Variants in MUCL3 observed in about 807,000 individuals in gnomAD.
The protein encoded by MUCL3 is mucin-like protein 3.
Under a neutral mutation model 70.2 loss-of-function variants are expected in MUCL3, and 42 were observed. That is an observed-to-expected ratio of 0.60 (90% CI 0.47 to 0.77). The LOEUF (loss-of-function observed/expected upper bound fraction) is 0.77. MUCL3 is among the 30% of genes least tolerant of loss of function. The pLI is 0.00. For synonymous variants in MUCL3, 522 were observed against 647.0 expected (o/e 0.81, Z 2.93); for missense variants, 1,429 against 1,670.0 (o/e 0.86, Z 2.52).
At chr6:30,946,257 C>A (rs1795776518) in intron 1 of MUCL3, 1 of 152,260 alleles carries the variant, frequency 6.6e-6, no homozygotes, top group South Asian at 2.1e-4. Context: ...GCTCCAGAGT[C>A]TTCCATGGTC....
At position 30,952,461 on chromosome 6, in the gene MUCL3, G is replaced by GT. The variant is rs1332986152; in HGVS notation, c.3998dup (p.Ile1334AspfsTer31). The stretch of plus-strand genomic sequence containing the variant: ...CATAGTTATTGTGGTCCTGGTGGCT[G>GT]TGATTCTCCTCCTGGTGTTCCTTGG... On this transcript the variant is annotated frameshift_variant, in exon 2 of 3. Transcript: ENST00000462446. LOFTEE classifies it low-confidence loss of function (END_TRUNC). 6.2e-7 allele frequency: 1 copy of GT among 1,610,562 alleles called. No homozygotes were observed. The highest frequency in any genetic ancestry group is 1.1e-5 in the South Asian group (1 of 90,284).
Position 30,948,553 on chromosome 6 carries a change from C to T in MUCL3, c.89C>T (p.Thr30Ile). The change falls in exon 2 of 3, where the codon ACT (threonine) becomes ATT (isoleucine). Residue 30 changes from threonine (T) to isoleucine (I), a missense_variant. Coordinates refer to ENST00000462446, the MANE Select transcript of MUCL3 (RefSeq NM_080870.4). ...TGCCTCTCTCCCTCCACAGGTGCTA[C>T]TACATTCCAAGAATATCAGAAAACT... ...FLLASWGAGA[T>I]TFQEYQKTGE... 2 of 1,533,892 alleles carry T rather than the reference C, an allele frequency of 1.3e-6. No homozygotes were observed. The highest frequency in any genetic ancestry group is 1.8e-6 in the Non-Finnish European group (2 of 1,140,638).
chr6:30,953,259 C>A lies in MUCL3; in HGVS notation c.*142C>A. 2 of 1,286,354 alleles carry A rather than the reference C, an allele frequency of 1.6e-6. No individual in the cohort carries two copies. The highest frequency in any genetic ancestry group is 1.6e-5 in the South Asian group (1 of 63,460). 79.7% of individuals were successfully genotyped at this position (1,286,354 alleles called of 1,614,324 possible). A position where few individuals can be genotyped will look rare whatever the true frequency, so the allele number is the denominator to read the frequency against. On this transcript the variant is annotated 3_prime_UTR_variant, in exon 3 of 3. Transcript: ENST00000462446. Reference sequence around the variant, plus strand: ...TACCAGTATTAACCCTTCATCTGTTCTTGAAACTGGTTGGGGAATGAGGTG... The same window carrying A: ...TACCAGTATTAACCCTTCATCTGTTATTGAAACTGGTTGGGGAATGAGGTG...
rs1462510792 is a variant in MUCL3, at chr6:30,951,253, T to C, written c.2789T>C (p.Leu930Pro). The change falls in exon 2 of 3, where the codon CTG becomes CCG. Residue 930 changes from leucine (L) to proline (P), a missense_variant. Coordinates refer to ENST00000462446, the MANE Select transcript of MUCL3 (RefSeq NM_080870.4). ...EPTEHGERTP[L>P]ANEITTPSRA... ...ACAGAACATGGAGAAAGGACCCCAC[T>C]GGCCAATGAGATCACCACACCATCC... 1.1e-5 allele frequency: 17 copies of C among 1,535,696 alleles called. No individual in the cohort carries two copies. Among genetic ancestry groups the C allele is most frequent in the African/African-American group, 1.5e-5 (1 of 66,994 alleles).
At chr6:30,947,029 A>G (rs932313964) in intron 1 of MUCL3, among the ~76,000 whole-genome samples, 1 of 152,192 alleles carries the variant, frequency 6.6e-6, no homozygotes, top group African/African-American at 2.4e-5. Flanking sequence ...CCTCCGTGAA[A>G]TGTAAATTTC....
intron 1 of MUCL3, among the ~76,000 whole-genome samples, chr6:30,943,216 C>T (rs1343177217): frequency 6.6e-6 from 1 of 152,196 alleles, no homozygotes; most frequent in African/African-American, 2.4e-5. Flanking sequence ...ATCCTGGAAC[C>T]CCAGAGTCTG....
rs759056469 is a variant in MUCL3, at chr6:30,948,661, A to G, written c.197A>G (p.His66Arg). ...ATCCCTTTTGATCACATTGTTCTGC[A>G]TTCAGGACAAAGACCTCCAGAGCTC... Reference protein sequence around the residue: ...YSIPFDHIVLHSGQRPPELPK... With the variant: ...YSIPFDHIVLRSGQRPPELPK... Residue 66 changes from histidine to arginine, a missense_variant, in exon 2 of 3, where the codon CAT (histidine) becomes CGT (arginine). By Grantham distance (29) the His-to-Arg change is conservative (BLOSUM62 0). Coordinates refer to ENST00000462446, the MANE Select transcript of MUCL3 (RefSeq NM_080870.4). The G allele has an allele frequency of 6.4e-6, 10 of 1,551,568 alleles. No homozygotes were observed. The highest frequency in any genetic ancestry group is 8.7e-6 in the Non-Finnish European group (10 of 1,146,996).
Position 30,951,424 on chromosome 6 carries a change from C to A in MUCL3, c.2960C>A (p.Thr987Asn). 6.5e-7 allele frequency: 1 copy of A among 1,549,942 alleles called. No homozygotes were observed. Among genetic ancestry groups the A allele is most frequent in the Non-Finnish European group, 8.7e-7 (1 of 1,146,736 alleles). Residue 987 changes from threonine (T) to asparagine (N), a missense_variant, in exon 2 of 3, where the codon ACC becomes AAC. Coordinates refer to ENST00000462446, the MANE Select transcript of MUCL3 (RefSeq NM_080870.4). ...GAGCCTACAGAAAATGGAGAAAGGACCCCACTGGCCAATGAGAACACCACA... is the reference window on the plus strand; with the variant it reads ...GAGCCTACAGAAAATGGAGAAAGGAACCCACTGGCCAATGAGAACACCACA... ...SAEPTENGER[T>N]PLANENTTTS...
intron 1 of MUCL3, among the ~76,000 whole-genome samples, chr6:30,946,658 C>T (rs1320206877): frequency 6.6e-6 from 1 of 152,194 alleles, no homozygotes; most frequent in Non-Finnish European, 1.5e-5. Context: ...TGAACAGCAC[C>T]TTTCAGGGAG....
chr6:30,941,357 C>G (rs1181242567), intron 1 of MUCL3, among the ~76,000 whole-genome samples: 1 of 152,084 alleles, frequency 6.6e-6, no homozygotes, highest in East Asian at 1.9e-4. Flanking sequence ...AGGCTGCCAG[C>G]CCTGGATGGT....
Position 30,950,693 on chromosome 6 carries a change from T to C in MUCL3, c.2229T>C (p.Asn743=), listed in dbSNP as rs1314211106. The change falls in exon 2 of 3, where the codon AAT becomes AAC. Residue 743 remains asparagine, a synonymous_variant. Coordinates refer to ENST00000462446, the MANE Select transcript of MUCL3 (RefSeq NM_080870.4). ...TTPFPAEPTE[N]RERTANENTT... ...CATTCCCAGCAGAGCCTACAGAAAA[T>C]AGAGAAAGGACAGCCAATGAGAACA... is the stretch of plus-strand genomic sequence containing the variant. 4.5e-6 allele frequency: 7 copies of C among 1,540,426 alleles called. No individual in the cohort carries two copies. Among genetic ancestry groups the C allele is most frequent in the African/African-American group, 1.5e-5 (1 of 68,528 alleles).
Position 30,953,364 on chromosome 6 carries a change from T to C in MUCL3, c.*247T>C, listed in dbSNP as rs45627239. 24,607 of 594,002 alleles carry C rather than the reference T, an allele frequency of 0.041. 711 individuals carry two copies. Among genetic ancestry groups the C allele is most frequent in the Admixed American group, 0.088 (2,727 of 31,084 alleles). The allele number at this position is 594,002 out of a possible 1,614,324, so 36.8% of individuals were successfully genotyped here. ...AGCAGACATTCTCTGTAGAAGGTAATGGTCTGAGAATGAAAAGGTGTTTGA... is the reference window on the plus strand; with the variant it reads ...AGCAGACATTCTCTGTAGAAGGTAACGGTCTGAGAATGAAAAGGTGTTTGA... On this transcript the variant is annotated 3_prime_UTR_variant, in exon 3 of 3. Transcript: ENST00000462446.
Position 30,949,055 on chromosome 6 carries a change from T to A in MUCL3, c.591T>A (p.Asp197Glu). The A allele has an allele frequency of 3.2e-6, 5 of 1,551,456 alleles. No homozygotes were observed. Among genetic ancestry groups the A allele is most frequent in the Non-Finnish European group, 4.4e-6 (5 of 1,146,918 alleles). ...TGGAAAAGTCCATGAGTACTTTGGA[T>A]AAGACAAGTACCAGCTCACATAAGA... The part of the protein sequence containing the change: ...RPLEKSMSTL[D>E]KTSTSSHKTT... The change falls in exon 2 of 3, where the codon GAT (aspartate) becomes GAA (glutamate). Residue 197 changes from aspartate to glutamate, a missense_variant. By Grantham distance (45) the Asp-to-Glu change is conservative (BLOSUM62 2). Coordinates refer to ENST00000462446, the MANE Select transcript of MUCL3 (RefSeq NM_080870.4).
At chr6:30,943,433 A>G (rs1419561862) in intron 1 of MUCL3, among the ~76,000 whole-genome samples, 1 of 152,110 alleles carries the variant, frequency 6.6e-6, no homozygotes, top group Admixed American at 6.5e-5. Flanking sequence ...GCACAGGTGC[A>G]GTCTAGATTA....
intron 2 of MUCL3, 87 bp downstream of exon 2, chr6:30,952,586 A>T (rs1760766898): frequency 2.8e-6 from 4 of 1,405,052 alleles, no homozygotes; most frequent in Non-Finnish European, 9.6e-7. Context: ...GGGAATAATG[A>T]GTCTAGGAAA....
chr6:30,951,840 A>G lies in MUCL3; in HGVS notation c.3376A>G (p.Thr1126Ala). 1.3e-6 allele frequency: 2 copies of G among 1,594,062 alleles called. No individual in the cohort carries two copies. The highest frequency in any genetic ancestry group is 1.1e-5 in the South Asian group (1 of 87,854). Reference protein sequence around the residue: ...DKITSSAAESTEHRDRATSAN... With the variant: ...DKITSSAAESAEHRDRATSAN... The stretch of plus-strand genomic sequence containing the variant: ...GATCACCTCATCTGCAGCAGAGTCT[A>G]CAGAACATAGAGATAGGGCTACATC... Residue 1126 changes from threonine (T) to alanine (A), a missense_variant, in exon 2 of 3, where the codon ACA becomes GCA. By Grantham distance (58) the Thr-to-Ala change is moderately conservative. Coordinates refer to ENST00000462446, the MANE Select transcript of MUCL3 (RefSeq NM_080870.4).
chr6:30,943,752 C>T (rs181836721), intron 1 of MUCL3, among the ~76,000 whole-genome samples: 40 of 152,184 alleles, frequency 2.6e-4, no homozygotes, highest in Non-Finnish European at 5.0e-4. Flanking sequence ...ATAATGTATG[C>T]TCATTGTAGA....
chr6:30,948,002 G>A (rs1760386249), intron 1 of MUCL3, among the ~76,000 whole-genome samples: 1 of 152,124 alleles, frequency 6.6e-6, no homozygotes, highest in South Asian at 2.1e-4. Context: ...GAATGTTATG[G>A]AAAGGTGAAG....
rs1562494827 is a variant in MUCL3, at chr6:30,951,702, C to T, written c.3238C>T (p.Pro1080Ser). 1 of 1,551,964 alleles carries T rather than the reference C, an allele frequency of 6.4e-7. No homozygotes were observed. Among genetic ancestry groups the T allele is most frequent in the Non-Finnish European group, 8.7e-7 (1 of 1,147,040 alleles). The part of the protein sequence containing the change: ...TLANEKITLS[P>S]EGPTEHGAKT... ...GGCCAATGAGAAGATCACACTATCCCCAGAAGGGCCTACAGAACATGGAGC... is the reference window on the plus strand; with the variant it reads ...GGCCAATGAGAAGATCACACTATCCTCAGAAGGGCCTACAGAACATGGAGC... The change falls in exon 2 of 3, where the codon CCA (proline) becomes TCA (serine). Residue 1080 changes from proline to serine, a missense_variant. Transcript: ENST00000462446.
Sources: gnomAD v4.1 joint callset for allele counts (sites outside exome capture counted in the v4.1 genomes callset) on GRCh38, gnomAD v4.1.1 for gene constraint, MANE v1.5 for transcripts, NCBI Gene and HGNC (gene_info 2026-07-23, HGNC 2026-07-21) for gene names.